SGCZ: variants seen among roughly 807,000 people sequenced by gnomAD.
SGCZ encodes the protein zeta-sarcoglycan.
In SGCZ, 40 loss-of-function variants were observed where a neutral mutation model predicts 41.3. That is an observed-to-expected ratio of 0.97 (90% CI 0.75 to 1.26). The LOEUF (loss-of-function observed/expected upper bound fraction) is 1.26. SGCZ is among the 50% of genes most tolerant of loss of function. SGCZ has a pLI of 0.00. For synonymous variants in SGCZ, 206 were observed against 137.5 expected, an observed-to-expected ratio of 1.50 and a Z score of -3.49; for missense variants, 552 against 369.8, an observed-to-expected ratio of 1.49 and a Z score of -4.04.
chr8:14,901,452 C>A (rs377760405), intron 1 of SGCZ, among the ~76,000 whole-genome samples: 1 of 152,102 alleles, frequency 6.6e-6, no homozygotes, highest in African/African-American at 2.4e-5. Flanking sequence ...TAGGCGTATA[C>A]GTTTTTCCTT....
intron 1 of SGCZ, among the ~76,000 whole-genome samples, chr8:14,868,087 T>C (rs1803998395): frequency 6.6e-6 from 1 of 152,172 alleles, no homozygotes; most frequent in Admixed American, 6.6e-5. Flanking sequence ...TGTCAAACTC[T>C]TTCACACTTG....
intron 1 of SGCZ, among the ~76,000 whole-genome samples, chr8:14,708,502 C>T (rs1585198843): frequency 6.6e-6 from 1 of 151,582 alleles, no homozygotes; most frequent in East Asian, 1.9e-4. Context: ...CATTCAGATA[C>T]AGACATTTGC....
chr8:15,235,593 T>C (rs1321458501), intron 1 of SGCZ, among the ~76,000 whole-genome samples: 1 of 151,886 alleles, frequency 6.6e-6, no homozygotes, highest in African/African-American at 2.4e-5. Flanking sequence ...TGTGCAGGAG[T>C]AGTGACATTA....
intron 1 of SGCZ, among the ~76,000 whole-genome samples, chr8:15,080,108 T>C (rs568109663): frequency 6.6e-6 from 1 of 151,866 alleles, no homozygotes; most frequent in South Asian, 2.1e-4. Context: ...CCATTTTCAA[T>C]TATTTATTTG....
intron 1 of SGCZ, among the ~76,000 whole-genome samples, chr8:14,651,538 C>G (rs952141016): frequency 1.7e-4 from 26 of 152,124 alleles, no homozygotes; most frequent in Non-Finnish European, 1.5e-4. Context: ...GGCCCATTAC[C>G]TCTCTTTTGT....
At chr8:14,824,005 T>C (rs1662606429) in intron 1 of SGCZ, among the ~76,000 whole-genome samples, 1 of 151,518 alleles carries the variant, frequency 6.6e-6, no homozygotes, top group South Asian at 2.1e-4. Flanking sequence ...CTGCAGGGTA[T>C]TGCTTATATA....
intron 2 of SGCZ, among the ~76,000 whole-genome samples, chr8:14,344,473 T>G (rs1355438850): frequency 6.6e-6 from 1 of 152,024 alleles, no homozygotes; most frequent in Admixed American, 6.6e-5. Context: ...AGCTAACTTC[T>G]TAAAAAATTA....
chr8:15,001,153 G>T (rs1223110468), intron 1 of SGCZ, among the ~76,000 whole-genome samples: 1 of 152,174 alleles, frequency 6.6e-6, no homozygotes, highest in Non-Finnish European at 1.5e-5. Flanking sequence ...ATTGTTCTCT[G>T]AGTATCAGGA....
intron 1 of SGCZ, among the ~76,000 whole-genome samples, chr8:14,763,033 G>T (rs1343839772): frequency 1.3e-5 from 2 of 152,078 alleles, no homozygotes; most frequent in East Asian, 1.9e-4. Flanking sequence ...AATATCATAC[G>T]TCCAACACAA....
intron 1 of SGCZ, among the ~76,000 whole-genome samples, chr8:14,619,593 T>G (rs1291555660): frequency 6.6e-6 from 1 of 152,114 alleles, no homozygotes; most frequent in Non-Finnish European, 1.5e-5. Context: ...TTCAGCAAAG[T>G]CTCAGGATAC....
intron 1 of SGCZ, among the ~76,000 whole-genome samples, chr8:14,864,792 G>C (rs1214788077): frequency 6.6e-6 from 1 of 152,026 alleles, no homozygotes; most frequent in African/African-American, 2.4e-5. Flanking sequence ...CCCACCAACA[G>C]TATATAAGAG....
chr8:14,909,362 T>A (rs1799213773), intron 1 of SGCZ, among the ~76,000 whole-genome samples: 1 of 152,212 alleles, frequency 6.6e-6, no homozygotes. Context: ...TTTTTCTTGG[T>A]GTGAACTTCA....
chr8:14,606,593 G>A (rs1265579301), intron 1 of SGCZ, among the ~76,000 whole-genome samples: 1 of 152,076 alleles, frequency 6.6e-6, no homozygotes, highest in Non-Finnish European at 1.5e-5. Context: ...ATAGTAGCCT[G>A]TTTCATTTGT....
intron 3 of SGCZ, among the ~76,000 whole-genome samples, chr8:14,275,276 C>G (rs368961971): frequency 1.4e-3 from 213 of 152,270 alleles, no homozygotes; most frequent in Middle Eastern, 0.01. Context: ...CCATTGCCTA[C>G]TCTCTCAGTA....
At chr8:14,477,872 C>T (rs1271166559) in intron 2 of SGCZ, among the ~76,000 whole-genome samples, 1 of 152,144 alleles carries the variant, frequency 6.6e-6, no homozygotes, top group Admixed American at 6.6e-5. Context: ...GTCCTGTCAC[C>T]TTCAGCTCTC....
intron 5 of SGCZ, among the ~76,000 whole-genome samples, chr8:14,111,060 TAAC>T (rs779450196): frequency 0.02 from 1,806 of 92,156 alleles, 22 homozygotes; most frequent in Middle Eastern, 0.051. Flanking sequence ...TTAAAAATAA[TAAC>T]AACAACAACA....
At chr8:14,391,566 C>T (rs1463914350) in intron 2 of SGCZ, among the ~76,000 whole-genome samples, 2 of 151,924 alleles carry the variant, frequency 1.3e-5, no homozygotes, top group Admixed American at 6.6e-5. Flanking sequence ...AGAGGAGAAG[C>T]CATATTATTG....
intron 1 of SGCZ, among the ~76,000 whole-genome samples, chr8:14,627,882 T>C (rs1289968728): frequency 6.6e-6 from 1 of 152,092 alleles, no homozygotes; most frequent in Non-Finnish European, 1.5e-5. Flanking sequence ...CATGTTTAAA[T>C]GGAAAAGCCA....
intron 7 of SGCZ, among the ~76,000 whole-genome samples, chr8:14,100,504 GATATTAATATATT>G (rs1016276120): frequency 3.4e-5 from 5 of 147,118 alleles, no homozygotes; most frequent in South Asian, 4.2e-4. Flanking sequence ...AAGAAATCCT[GATATTAATATATT>G]ATATTAATAT....
Sources: gnomAD v4.1 joint callset for allele counts (sites outside exome capture counted in the v4.1 genomes callset) on GRCh38, gnomAD v4.1.1 for gene constraint, MANE v1.5 for transcripts, NCBI Gene and HGNC (gene_info 2026-07-23, HGNC 2026-07-21) for gene names.